GPHN: variants seen among roughly 807,000 people sequenced by gnomAD.
GPHN encodes gephyrin.
GPHN carries 17 observed loss-of-function variants against 95.5 expected under a neutral mutation model. The observed-to-expected ratio is 0.18, with a 90% confidence interval of 0.12 to 0.27. The LOEUF (loss-of-function observed/expected upper bound fraction) is 0.27, where lower values mean the gene tolerates loss of function less well. GPHN is among the 10% of genes least tolerant of loss of function. The probability of loss-of-function intolerance (pLI) is 1.00; values close to 1 mark genes in which losing one functional copy is unlikely to be tolerated. For missense variants in GPHN, 660 were observed against 978.1 expected (o/e 0.67, Z 4.34); for synonymous variants, 320 against 322.5 (o/e 0.99, Z 0.08).
chr14:67,059,728 A>G (rs1324165397), intron 11 of GPHN, among the ~76,000 whole-genome samples: 1 of 152,196 alleles, frequency 6.6e-6, no homozygotes, highest in African/African-American at 2.4e-5. Flanking sequence ...TACTGGTGCC[A>G]GATTTTAGCT....
intron 1 of GPHN, among the ~76,000 whole-genome samples, chr14:66,513,146 A>G (rs542378355): frequency 6.6e-6 from 1 of 151,916 alleles, no homozygotes; most frequent in East Asian, 1.9e-4. Flanking sequence ...TCTAATGAAT[A>G]TACTTAGTAC....
the GPHN span, among the ~76,000 whole-genome samples, chr14:67,469,562 A>C: frequency 6.8e-6 from 1 of 147,692 alleles, no homozygotes; most frequent in Non-Finnish European, 1.5e-5. Context: ...CTGGGTTTAC[A>C]GGTGTGAGCC....
chr14:67,576,521 A>AACCCAAGCAGTGGTGG, the GPHN span: 1 of 1,273,574 alleles, frequency 7.9e-7, no homozygotes, highest in Non-Finnish European at 1.1e-6. The surrounding 1 kb of genome is among the most constrained non-coding windows in gnomAD (Gnocchi z 4.0). Flanking sequence ...AAGGGTGGCC[A>AACCCAAGCAGTGGTGG]CCACTGCTTG....
At chr14:66,874,573 G>A (rs1244327197) in intron 4 of GPHN, among the ~76,000 whole-genome samples, 1 of 152,170 alleles carries the variant, frequency 6.6e-6, no homozygotes, top group Non-Finnish European at 1.5e-5. Flanking sequence ...ATGACCTGAT[G>A]TAGCTGAGAA....
At chr14:67,286,695 A>G in the GPHN span, among the ~76,000 whole-genome samples, 2,896 of 150,444 alleles carry the variant, frequency 0.019, 45 homozygotes, top group Middle Eastern at 0.031. Context: ...ATCTCTACCA[A>G]AAAAAATACA....
chr14:66,621,928 G>A (rs2063323717), intron 1 of GPHN, among the ~76,000 whole-genome samples: 1 of 152,146 alleles, frequency 6.6e-6, no homozygotes, highest in African/African-American at 2.4e-5. Flanking sequence ...CGGTGGATCT[G>A]CCATTATGGG....
intron 9 of GPHN, among the ~76,000 whole-genome samples, chr14:66,996,868 T>A (rs1222262513): frequency 2.0e-5 from 3 of 152,038 alleles, no homozygotes; most frequent in Non-Finnish European, 2.9e-5. Context: ...ATTTGGCCTA[T>A]TTTCCTTGTC....
At chr14:67,216,257 C>T in the GPHN span, among the ~76,000 whole-genome samples, 24 of 152,202 alleles carry the variant, frequency 1.6e-4, no homozygotes, top group South Asian at 5.0e-3. Context: ...ATTTTGTCAT[C>T]TATATTCATC....
chr14:66,879,779 G>A (rs2063843227), intron 4 of GPHN, among the ~76,000 whole-genome samples, 160 bp from the exon 5 acceptor site: 1 of 152,054 alleles, frequency 6.6e-6, no homozygotes, highest in African/African-American at 2.4e-5. Flanking sequence ...TGGTCCTTGT[G>A]AATTGAGTCT....
At chr14:66,846,328 C>T (rs562800526) in intron 4 of GPHN, among the ~76,000 whole-genome samples, 85 of 152,236 alleles carry the variant, frequency 5.6e-4, no homozygotes, top group African/African-American at 1.9e-3. Context: ...TACAAAAATT[C>T]TCTCAGAACC....
chr14:67,572,085 G>A, the GPHN span: 1 of 1,570,568 alleles, frequency 6.4e-7, no homozygotes, highest in Non-Finnish European at 8.6e-7. Context: ...TGGGCTGCGT[G>A]AGTCGGGGAG....
the GPHN span, among the ~76,000 whole-genome samples, chr14:67,504,009 T>TA: frequency 4.3e-5 from 6 of 140,854 alleles, no homozygotes; most frequent in Non-Finnish European, 7.7e-5. Context: ...GCCTATTTTT[T>TA]AATTTTTATT....
the GPHN span, among the ~76,000 whole-genome samples, chr14:67,544,420 C>A: frequency 6.6e-6 from 1 of 152,092 alleles, no homozygotes; most frequent in Non-Finnish European, 1.5e-5. Context: ...CAATTCAGAT[C>A]ACACAGGATC....
chr14:67,120,021 G>A (rs72715381), intron 16 of GPHN, among the ~76,000 whole-genome samples: 7,784 of 151,744 alleles, frequency 0.051, 218 homozygotes, highest in Middle Eastern at 0.068. Flanking sequence ...TCCCAGATAG[G>A]AAGCTGTGGT....
the GPHN span, chr14:67,570,800 T>A: frequency 1.3e-5 from 2 of 152,206 alleles, no homozygotes; most frequent in African/African-American, 4.8e-5. Flanking sequence ...CTTGGCTCAC[T>A]GCAACTTCCA....
intron 4 of GPHN, among the ~76,000 whole-genome samples, chr14:66,843,917 T>G (rs2062202902): frequency 6.6e-6 from 1 of 152,132 alleles, no homozygotes; most frequent in Admixed American, 6.5e-5. Flanking sequence ...TGGGATCTTT[T>G]AATAATTTTC....
intron 9 of GPHN, among the ~76,000 whole-genome samples, chr14:66,988,680 C>T (rs2071192540): frequency 6.6e-6 from 1 of 152,000 alleles, no homozygotes; most frequent in African/African-American, 2.4e-5. Context: ...GACAGTACCT[C>T]GTATCCACTC....
the GPHN span, among the ~76,000 whole-genome samples, chr14:67,355,113 G>C: frequency 2.2e-4 from 34 of 152,054 alleles, 2 homozygotes; most frequent in African/African-American, 8.2e-4. Context: ...CACCTGGCCT[G>C]CATTTTTTAT....
chr14:67,295,413 C>G, the GPHN span, among the ~76,000 whole-genome samples: 1 of 151,556 alleles, frequency 6.6e-6, no homozygotes, highest in African/African-American at 2.4e-5. Context: ...TCACTTAAAC[C>G]CGGGAGGCAA....
Sources: allele counts gnomAD v4.1 joint callset (sites outside exome capture counted in the v4.1 genomes callset), GRCh38; gene constraint gnomAD v4.1.1; non-coding constraint Gnocchi (gnomAD v3.1); transcripts MANE v1.5; gene names NCBI Gene and HGNC (gene_info 2026-07-23, HGNC 2026-07-21).